MKI67: variants seen among roughly 807,000 people sequenced by gnomAD.
MKI67 encodes marker of proliferation Ki-67.
A neutral mutation model predicts 233.5 loss-of-function variants in MKI67; 152 were observed. The ratio of observed to expected loss-of-function variants is 0.65; its 90% CI spans 0.57 to 0.74. The LOEUF is 0.74. MKI67 is among the 30% of genes least tolerant of loss of function. MKI67 has a pLI of 0.00. For missense variants in MKI67, 3,940 were observed against 3,885.2 expected, an observed-to-expected ratio of 1.01 and a Z score of -0.37; for synonymous variants, 1,465 against 1,418.5, an observed-to-expected ratio of 1.03 and a Z score of -0.74.
chr10:128,124,899 G>T (rs537212359), intron 2 of MKI67, among the ~76,000 whole-genome samples: 2 of 76,280 alleles, frequency 2.6e-5, no homozygotes, highest in African/African-American at 8.6e-5. Flanking sequence ...TAGGGGATGG[G>T]GTTGGGAGGA....
rs149160550 is a variant in MKI67, at chr10:128,115,540, G to A, written c.868C>T (p.Arg290Cys). 75 of 1,614,050 alleles carry A rather than the reference G, an allele frequency of 4.6e-5. No individual in the cohort carries two copies. In the Middle Eastern group the frequency reaches 9.9e-4, roughly 21 times the overall value. ...LQGETQLLVS[R>C]KSRPKSGGSG... is the part of the protein sequence containing the mutation. ...CCACCAGATTTTGGTCTTGACTTAC[G>A]CGAGACCAACAGTTGGGTCTCCCCC... Residue 290 changes from arginine (R) to cysteine (C), a missense_variant, in exon 7 of 15, where the codon CGT (arginine) becomes TGT (cysteine). Transcript: ENST00000368654.
At position 128,104,794 on chromosome 10, in the gene MKI67, G is replaced by T. The variant is rs1187990285; in HGVS notation, c.7046C>A (p.Pro2349Gln). ...KIACKSPQPD[P>Q]VDTPASTKQR... ...CTTTGTGCTTGCTGGGGTGTCCACTGGGTCTGGTTGTGGAGATTTGCAGGC... is the reference window on the plus strand; with the variant it reads ...CTTTGTGCTTGCTGGGGTGTCCACTTGGTCTGGTTGTGGAGATTTGCAGGC... Residue 2349 changes from proline to glutamine, a missense_variant, in exon 13 of 15, where the codon CCA (proline) becomes CAA (glutamine). Pro to Gln is a moderately conservative substitution (Grantham distance 76, BLOSUM62 -1). Coordinates refer to ENST00000368654, the MANE Select transcript of MKI67 (RefSeq NM_002417.5). The T allele has an allele frequency of 9.9e-6, 16 of 1,613,374 alleles. No individual in the cohort carries two copies. Among genetic ancestry groups the T allele is most frequent in the Non-Finnish European group, 1.3e-5 (15 of 1,179,944 alleles).
In MKI67 at chr10:128,125,774, GTTACTC is replaced by G. The variant is rs1853042862; in HGVS notation, c.-89-24_-89-19del. On this transcript the variant is annotated intron_variant, in intron 1 of 14. Coordinates refer to ENST00000368654, the MANE Select transcript of MKI67 (RefSeq NM_002417.5). The surrounding 1 kb of genome is among the most constrained non-coding windows in gnomAD (Gnocchi z 5.3). ...CTCTTCCACTGCAAAAGAGGTGCGAGTTACTCTGATAGCAAAGGAGCTAAGAAGGGC... is the reference window on the plus strand; with the variant it reads ...CTCTTCCACTGCAAAAGAGGTGCGAGTGATAGCAAAGGAGCTAAGAAGGGC... 2.8e-5 allele frequency: 26 copies of G among 934,828 alleles called. No individual in the cohort carries two copies. The highest frequency in any genetic ancestry group is 4.5e-5 in the Non-Finnish European group (26 of 575,750). The allele number at this position is 934,828 out of a possible 1,614,324, so 57.9% of individuals were successfully genotyped here. A position where few individuals can be genotyped will look rare whatever the true frequency, so the allele number is the denominator to read the frequency against.
intron 4 of MKI67, 37 bp from the exon 5 acceptor site, chr10:128,119,356 A>G (rs1009582791): frequency 4.1e-6 from 6 of 1,448,652 alleles, no homozygotes; most frequent in Non-Finnish European, 4.8e-6. Context: ...CTGATTAAAA[A>G]TTTATACCCT....
At position 128,110,409 on chromosome 10, in the gene MKI67, T is replaced by C; in HGVS notation, c.2385A>G (p.Glu795=). The change falls in exon 12 of 15, where the codon GAA becomes GAG. Residue 795 remains glutamate (E), a synonymous_variant. Coordinates refer to ENST00000368654, the MANE Select transcript of MKI67 (RefSeq NM_002417.5). ...TCTCTGAGGTGGGGAGCAGAGGTTC[T>C]TCTCCTGAATCAGTTCCTTGAAACT... is the stretch of plus-strand genomic sequence containing the variant. ...GKQFQGTDSG[E]EPLLPTSESF... is the part of the protein sequence containing the mutation. 1 of 1,576,536 alleles carries C rather than the reference T, an allele frequency of 6.3e-7. No individual in the cohort carries two copies. Among genetic ancestry groups the C allele is most frequent in the Non-Finnish European group, 8.7e-7 (1 of 1,150,996 alleles).
At chr10:128,120,790 T>A (rs1211237976) in intron 4 of MKI67, among the ~76,000 whole-genome samples, 1 of 152,064 alleles carries the variant, frequency 6.6e-6, no homozygotes, top group Non-Finnish European at 1.5e-5. Context: ...TGGGAAAAGA[T>A]ATACCATGCA....
chr10:128,104,853 G>T lies in MKI67; in HGVS notation c.6987C>A (p.Asp2329Glu), dbSNP rs758631366. Residue 2329 changes from aspartate to glutamate, a missense_variant, in exon 13 of 15, where the codon GAC becomes GAA. Coordinates refer to ENST00000368654, the MANE Select transcript of MKI67 (RefSeq NM_002417.5). ...TAGTTTTCTCATCAGTCGTGGGCTT[G>T]TCAGTGCCTGGTGTCTGGAAGAGCT... The part of the protein sequence containing the change: ...FKELFQTPGT[D>E]KPTTDEKTTK... 13 of 1,611,658 alleles carry T rather than the reference G, an allele frequency of 8.1e-6. No homozygotes were observed. The highest frequency in any genetic ancestry group is 6.7e-5 in the Admixed American group (4 of 59,752).
rs988618595 is a variant in MKI67, at chr10:128,109,209, C to T, written c.2631G>A (p.Arg877=). ...TCTGTATATTCCTGAACTCTGTAGA[C>T]CTTCCTGACCTGTTTGCAGTGGATA... ...KTVSTANRSG[R]STEFRNIQKL... is the part of the protein sequence containing the mutation. Residue 877 remains arginine, a synonymous_variant, in exon 13 of 15, where the codon AGG becomes AGA. Coordinates refer to ENST00000368654, the MANE Select transcript of MKI67 (RefSeq NM_002417.5). 5.0e-6 allele frequency: 8 copies of T among 1,614,028 alleles called. 1 individual carries two copies. In the African/African-American group the frequency reaches 1.1e-4, roughly 22 times the overall value.
Position 128,108,243 on chromosome 10 carries a change from G to C in MKI67, c.3597C>G (p.Asp1199Glu). 1 of 1,613,392 alleles carries C rather than the reference G, an allele frequency of 6.2e-7. No homozygotes were observed. ...TGCTGCCAGGTAAAGTTCCTGCCAG[G>C]TCCAGTTTCTGCACTGGAGTTCCCA... ...AFMGTPVQKLDLAGTLPGSKR... is the reference protein window; with the variant it reads ...AFMGTPVQKLELAGTLPGSKR... The change falls in exon 13 of 15, where the codon GAC becomes GAG. Residue 1199 changes from aspartate (D) to glutamate (E), a missense_variant. Transcript: ENST00000368654.
rs754331265 is a variant in MKI67, at chr10:128,115,002, G to C, written c.1406C>G (p.Thr469Ser). The change falls in exon 7 of 15, where the codon ACT becomes AGT. Residue 469 changes from threonine to serine, a missense_variant. Thr to Ser is a moderately conservative substitution (Grantham distance 58). Transcript: ENST00000368654. ...DSLSKPEKLG[T>S]TAGQMCSGLP... Reference sequence around the variant, plus strand: ...CCCAGAGCACATCTGTCCAGCTGTAGTGCCCAATTTCTCAGGCTTGCTGAG... The same window carrying C: ...CCCAGAGCACATCTGTCCAGCTGTACTGCCCAATTTCTCAGGCTTGCTGAG... The C allele has an allele frequency of 6.2e-7, 1 of 1,610,232 alleles. No homozygotes were observed. Among genetic ancestry groups the C allele is most frequent in the East Asian group, 2.2e-5 (1 of 44,758 alleles).
rs1191862792 is a variant in MKI67, at chr10:128,105,490, G to A, written c.6350C>T (p.Thr2117Ile). Reference protein sequence around the residue: ...PPESMDTPTSTRRRPKTPLGK... With the variant: ...PPESMDTPTSIRRRPKTPLGK... ...CAAAGGTGTTTTGGGCCGCCTCCTT[G>A]TGCTTGTTGGAGTGTCCATTGATTC... Residue 2117 changes from threonine (T) to isoleucine (I), a missense_variant, in exon 13 of 15, where the codon ACA (threonine) becomes ATA (isoleucine). Thr to Ile is a moderately conservative substitution (Grantham distance 89). Coordinates refer to ENST00000368654, the MANE Select transcript of MKI67 (RefSeq NM_002417.5). 6.2e-7 allele frequency: 1 copy of A among 1,613,982 alleles called. No homozygotes were observed.
In MKI67 at chr10:128,109,178, G is replaced by A; in HGVS notation, c.2662C>T (p.Pro888Ser). 2 of 1,614,044 alleles carry A rather than the reference G, an allele frequency of 1.2e-6. No homozygotes were observed. Among genetic ancestry groups the A allele is most frequent in the South Asian group, 2.2e-5 (2 of 91,070 alleles). ...GTTTCTTCACTCTTACTTTCCACAG[G>A]TAGCTTCTGTATATTCCTGAACTCT... is the stretch of plus-strand genomic sequence containing the variant. ...STEFRNIQKL[P>S]VESKSEETNT... Residue 888 changes from proline (P) to serine (S), a missense_variant, in exon 13 of 15, where the codon CCT becomes TCT. Physicochemically the swap from Pro to Ser is moderately conservative, Grantham distance 74. Coordinates refer to ENST00000368654, the MANE Select transcript of MKI67 (RefSeq NM_002417.5).
Position 128,102,537 on chromosome 10 carries a change from A to G in MKI67, c.9261+42T>C, listed in dbSNP as rs375755584. On this transcript the variant is annotated intron_variant, in intron 13 of 14. Transcript: ENST00000368654. ...AAGTATAACACAGAAATTCACAACT[A>G]TCCAAGACGATATTGAGTGATGCTG... 1.0e-5 allele frequency: 16 copies of G among 1,590,634 alleles called. No individual in the cohort carries two copies. The African/African-American group carries it at 2.0e-4, about 20-fold the overall frequency.
intron 5 of MKI67, 40 bp from the exon 6 acceptor site, chr10:128,116,576 T>G (rs2136146721): frequency 6.4e-7 from 1 of 1,554,852 alleles, no homozygotes; most frequent in South Asian, 1.1e-5. Flanking sequence ...TTGCAGGTCT[T>G]TCTAAATGAT....
At position 128,112,029 on chromosome 10, in the gene MKI67, T is replaced by C. The variant is rs891617300; in HGVS notation, c.1986A>G (p.Ala662=). The C allele has an allele frequency of 6.2e-7, 1 of 1,611,326 alleles. No individual in the cohort carries two copies. The highest frequency in any genetic ancestry group is 8.5e-7 in the Non-Finnish European group (1 of 1,179,302). The part of the protein sequence containing the change: ...EANLIVAKSW[A]DVVKLGAKQT... ...GTTTTGCACCAAGTTTTACTACATC[T>C]GCCCATGATTTTGCAACTGTCAAAG... The change falls in exon 10 of 15, where the codon GCA becomes GCG. Residue 662 remains alanine, a synonymous_variant. Transcript: ENST00000368654.
chr10:128,115,645 C>T lies in MKI67; in HGVS notation c.763G>A (p.Glu255Lys), dbSNP rs369820766. The part of the protein sequence containing the change: ...KKELDVKSQK[E>K]NVLQYCRKSG... ...TTTCTACAATACTGTAGGACATTTT[C>T]TTTTTGTGATTTTACATCCAACTCT... is the stretch of plus-strand genomic sequence containing the variant. Residue 255 changes from glutamate to lysine, a missense_variant, in exon 7 of 15, where the codon GAA (glutamate) becomes AAA (lysine). Coordinates refer to ENST00000368654, the MANE Select transcript of MKI67 (RefSeq NM_002417.5). 6.2e-7 allele frequency: 1 copy of T among 1,613,504 alleles called. No homozygotes were observed. The highest frequency in any genetic ancestry group is 8.5e-7 in the Non-Finnish European group (1 of 1,179,950).
At position 128,109,465 on chromosome 10, in the gene MKI67, C is replaced by T. The variant is rs115140786; in HGVS notation, c.2417-42G>A. 1.3e-3 allele frequency: 2,042 copies of T among 1,566,510 alleles called. 32 individuals carry two copies. The African/African-American group carries it at 0.024, about 19-fold the overall frequency. Reference sequence around the variant, plus strand: ...CACAATAAAAACATTCTATTAGTGTCTCATGTCAATCGAGTATTACAGCCT... The same window carrying T: ...CACAATAAAAACATTCTATTAGTGTTTCATGTCAATCGAGTATTACAGCCT... On this transcript the variant is annotated intron_variant, in intron 12 of 14. Transcript: ENST00000368654.
chr10:128,117,813 A>G (rs1381220769), intron 5 of MKI67, among the ~76,000 whole-genome samples: 1 of 152,228 alleles, frequency 6.6e-6, no homozygotes, highest in East Asian at 1.9e-4. Context: ...GTACGATTAC[A>G]TTCAATAGCC....
At position 128,106,871 on chromosome 10, in the gene MKI67, C is replaced by T; in HGVS notation, c.4969G>A (p.Gly1657Arg). The T allele has an allele frequency of 6.2e-7, 1 of 1,614,040 alleles. No homozygotes were observed. Among genetic ancestry groups the T allele is most frequent in the African/African-American group, 1.3e-5 (1 of 74,982 alleles). ...TCTGTGTGTGTGTGTGTAGTCTCTC[C>T]TGATGTCTGTGTGAGCTTGCCAACT... The part of the protein sequence containing the change: ...LAVGKLTQTS[G>R]ETTHTHTEPT... The change falls in exon 13 of 15, where the codon GGA (glycine) becomes AGA (arginine). Residue 1657 changes from glycine to arginine, a missense_variant. Gly to Arg is a moderately radical substitution (Grantham distance 125). Transcript: ENST00000368654.
Sources: allele counts gnomAD v4.1 joint callset (sites outside exome capture counted in the v4.1 genomes callset), GRCh38; gene constraint gnomAD v4.1.1; non-coding constraint Gnocchi (gnomAD v3.1); transcripts MANE v1.5; gene names NCBI Gene and HGNC (gene_info 2026-07-23, HGNC 2026-07-21).